Variants in ZNF536 observed in about 807,000 individuals in gnomAD.
ZNF536 encodes the protein zinc finger protein 536.
In ZNF536, 13 loss-of-function variants were observed where a neutral mutation model predicts 84.5. The observed-to-expected ratio is 0.15, with a 90% CI of 0.10 to 0.24. The LOEUF (loss-of-function observed/expected upper bound fraction) is 0.24, where lower values mean the gene tolerates loss of function less well. Ranked by LOEUF, ZNF536 falls within the 10% of genes least tolerant of loss-of-function variation. The pLI is 1.00. For missense variants in ZNF536, 1,536 were observed against 1,747.5 expected (o/e 0.88, Z 2.16); for synonymous variants, 811 against 742.5 (o/e 1.09, Z -1.50).
intron 2 of ZNF536, among the ~76,000 whole-genome samples, chr19:30,452,436 C>G (rs902166585): frequency 6.6e-6 from 1 of 152,226 alleles, no homozygotes; most frequent in Non-Finnish European, 1.5e-5. Context: ...CCCCTTCTCC[C>G]TGAGAAGTTT....
intron 2 of ZNF536, among the ~76,000 whole-genome samples, chr19:30,342,847 G>GA (rs377224942): frequency 3.9e-5 from 6 of 152,144 alleles, no homozygotes; most frequent in Non-Finnish European, 8.8e-5. Flanking sequence ...AAAGAAGTAA[G>GA]AAAAAAACAT....
intron 1 of ZNF536, among the ~76,000 whole-genome samples, chr19:30,640,580 A>G (rs1259174339): frequency 2.0e-5 from 3 of 152,190 alleles, no homozygotes; most frequent in Non-Finnish European, 4.4e-5. Context: ...AGTCAGGCCC[A>G]AGATCCTCCA....
intron 1 of ZNF536, among the ~76,000 whole-genome samples, chr19:30,687,191 C>G (rs574155273): frequency 6.6e-6 from 1 of 152,202 alleles, no homozygotes; most frequent in Non-Finnish European, 1.5e-5. Context: ...TCCTTCCCTT[C>G]TTTATTTCAT....
intron 3 of ZNF536, among the ~76,000 whole-genome samples, chr19:30,364,065 G>A (rs1034406476): frequency 2.6e-5 from 4 of 152,044 alleles, no homozygotes; most frequent in Non-Finnish European, 5.9e-5. Flanking sequence ...AGATGTATAG[G>A]ATATAGCATA....
intron 2 of ZNF536, among the ~76,000 whole-genome samples, chr19:30,297,811 A>T (rs1015968549): frequency 5.9e-5 from 9 of 151,980 alleles, no homozygotes; most frequent in South Asian, 2.1e-4. Context: ...GGCGCCAGGC[A>T]GCAGGAGCCC....
chr19:30,449,899 A>G (rs1246905013), intron 2 of ZNF536, among the ~76,000 whole-genome samples: 1 of 152,104 alleles, frequency 6.6e-6, no homozygotes, highest in Non-Finnish European at 1.5e-5. Context: ...CATGGGGTGT[A>G]TAGTGATATG....
chr19:30,625,994 G>A (rs934573740), intron 1 of ZNF536, among the ~76,000 whole-genome samples: 4 of 152,198 alleles, frequency 2.6e-5, no homozygotes, highest in African/African-American at 7.2e-5. Flanking sequence ...GTGGGCAAGA[G>A]GTTATATTGT....
At chr19:30,226,213 G>A (rs1358319308), upstream of ZNF536, among the ~76,000 whole-genome samples, 1 of 151,432 alleles carries the variant, frequency 6.6e-6, no homozygotes, top group Admixed American at 6.6e-5. This position sits in a 1 kb window ranked among gnomAD's most constrained non-coding sequence, Gnocchi z 4.6. Flanking sequence ...TTTCAAGAGG[G>A]TCTGGGGGGT....
intron 2 of ZNF536, among the ~76,000 whole-genome samples, chr19:30,492,782 A>T (rs932027689): frequency 3.3e-5 from 5 of 152,176 alleles, no homozygotes; most frequent in African/African-American, 4.8e-5. Context: ...AATGCGGTGG[A>T]GATAAAGCAT....
intron 2 of ZNF536, among the ~76,000 whole-genome samples, chr19:30,462,016 G>C (rs559834800): frequency 5.3e-5 from 8 of 152,318 alleles, no homozygotes; most frequent in Admixed American, 1.3e-4. Context: ...CCTCCGGCCT[G>C]GTCAGGGCAG....
At chr19:30,579,628 A>T (rs1402788580) in intron 1 of ZNF536, among the ~76,000 whole-genome samples, 7 of 152,168 alleles carry the variant, frequency 4.6e-5, no homozygotes, top group Admixed American at 4.6e-4. Flanking sequence ...ACCCAGAGTC[A>T]GTGTGGGAGG....
chr19:30,701,356 CACAA>C (rs1157494364), intron 1 of ZNF536, among the ~76,000 whole-genome samples: 6 of 151,584 alleles, frequency 4.0e-5, no homozygotes, highest in Non-Finnish European at 8.8e-5. Context: ...CACAGACACA[CACAA>C]ACACAAATAC....
intron 3 of ZNF536, among the ~76,000 whole-genome samples, chr19:30,358,967 T>C (rs2146841920): frequency 6.6e-6 from 1 of 152,306 alleles, no homozygotes; most frequent in South Asian, 2.1e-4. Context: ...CAGAGTGCAA[T>C]TGGCAAATGC....
chr19:30,457,193 A>G (rs1003251376), intron 2 of ZNF536, among the ~76,000 whole-genome samples: 1 of 152,244 alleles, frequency 6.6e-6, no homozygotes, highest in African/African-American at 2.4e-5. Flanking sequence ...CTTGGTGCCC[A>G]GTTTGTTCTC....
intron 1 of ZNF536, among the ~76,000 whole-genome samples, chr19:30,247,358 A>C (rs968121785): frequency 2.2e-4 from 33 of 152,206 alleles, no homozygotes; most frequent in African/African-American, 7.5e-4. Flanking sequence ...GCAAGAGACC[A>C]AGAGCAGGTT....
intron 1 of ZNF536, among the ~76,000 whole-genome samples, chr19:30,682,679 C>G (rs1775624476): frequency 6.6e-6 from 1 of 152,198 alleles, no homozygotes; most frequent in African/African-American, 2.4e-5. Context: ...CTTTCCTGCC[C>G]TCCCTCTCTG....
chr19:30,594,026 G>T (rs998202576), intron 1 of ZNF536, among the ~76,000 whole-genome samples: 1 of 152,162 alleles, frequency 6.6e-6, no homozygotes, highest in Non-Finnish European at 1.5e-5. Flanking sequence ...TCCTCTCTAT[G>T]CCACGTGGAA....
chr19:30,518,733 T>C (rs1460305101), intron 2 of ZNF536, among the ~76,000 whole-genome samples: 1 of 152,220 alleles, frequency 6.6e-6, no homozygotes, highest in Non-Finnish European at 1.5e-5. Flanking sequence ...AAGTGCCTAC[T>C]ATGTGCTGGG....
chr19:30,520,762 C>T (rs11672726), intron 2 of ZNF536, among the ~76,000 whole-genome samples: 14,682 of 152,152 alleles, frequency 0.096, 977 homozygotes, highest in Non-Finnish European at 0.15. Context: ...CTTTTTCATA[C>T]TTTAGACCTT....
Sources: allele counts gnomAD v4.1 joint callset (sites outside exome capture counted in the v4.1 genomes callset), GRCh38; gene constraint gnomAD v4.1.1; non-coding constraint Gnocchi (gnomAD v3.1); transcripts MANE v1.5; gene names NCBI Gene and HGNC (gene_info 2026-07-23, HGNC 2026-07-21).